The following GREB1L variants were observed in gnomAD, a reference collection of about 807,000 sequenced individuals.
GREB1L encodes the protein GREB1 like retinoic acid receptor coactivator.
In GREB1L, 17 loss-of-function variants were observed where a neutral mutation model predicts 200.8. The ratio of observed to expected loss-of-function variants is 0.08; its 90% CI spans 0.06 to 0.13. GREB1L has a LOEUF of 0.13. Ranked by LOEUF, GREB1L falls within the 10% of genes least tolerant of loss-of-function variation. The pLI is 1.00. For missense variants in GREB1L, 1,657 were observed against 2,367.7 expected, an observed-to-expected ratio of 0.70 and a Z score of 6.23; for synonymous variants, 789 against 893.0, an observed-to-expected ratio of 0.88 and a Z score of 2.08.
At chr18:21,385,072 C>A (rs2040483160) in intron 4 of GREB1L, among the ~76,000 whole-genome samples, 1 of 152,124 alleles carries the variant, frequency 6.6e-6, no homozygotes, top group Non-Finnish European at 1.5e-5. Flanking sequence ...AAATTACACT[C>A]TCTTCCCTCC....
intron 14 of GREB1L, among the ~76,000 whole-genome samples, 174 bp from the exon 15 acceptor site, chr18:21,454,192 A>G (rs1199538454): frequency 2.6e-5 from 4 of 152,208 alleles, no homozygotes; most frequent in Non-Finnish European, 5.9e-5. Flanking sequence ...TCCACGTTTC[A>G]GGGAAAATAG....
intron 1 of GREB1L, among the ~76,000 whole-genome samples, chr18:21,323,155 T>C (rs972248360): frequency 1.3e-5 from 2 of 151,852 alleles, no homozygotes; most frequent in African/African-American, 4.8e-5. Context: ...GATGTGGTGG[T>C]GTGTGCCTGT....
At chr18:21,326,264 G>T (rs536757715) in intron 1 of GREB1L, among the ~76,000 whole-genome samples, 1 of 152,016 alleles carries the variant, frequency 6.6e-6, no homozygotes, top group Non-Finnish European at 1.5e-5. Context: ...CAAAAAAAAA[G>T]TTCATATAGA....
At chr18:21,504,176 G>A (rs1490270464) in intron 23 of GREB1L, among the ~76,000 whole-genome samples, 8 of 152,082 alleles carry the variant, frequency 5.3e-5, no homozygotes, top group South Asian at 4.1e-4. Context: ...TGCCTGCCTC[G>A]GCCTCCCAAA....
intron 1 of GREB1L, among the ~76,000 whole-genome samples, chr18:21,340,620 G>A (rs1466025707): frequency 1.3e-5 from 2 of 151,190 alleles, no homozygotes; most frequent in African/African-American, 4.9e-5. Context: ...TCAGCTCACT[G>A]CAACCTCTGC....
At chr18:21,482,877 T>G (rs999102832) in intron 17 of GREB1L, among the ~76,000 whole-genome samples, 1 of 152,010 alleles carries the variant, frequency 6.6e-6, no homozygotes, top group Non-Finnish European at 1.5e-5. Context: ...CCAGAAATAG[T>G]GATTCAATAA....
intron 1 of GREB1L, among the ~76,000 whole-genome samples, chr18:21,327,251 T>G (rs1555628178): frequency 6.6e-6 from 1 of 152,184 alleles, no homozygotes; most frequent in Non-Finnish European, 1.5e-5. Context: ...CTCACACACA[T>G]ACAAAGGGCA....
At chr18:21,338,792 C>G (rs1176843566) in intron 1 of GREB1L, among the ~76,000 whole-genome samples, 2 of 152,228 alleles carry the variant, frequency 1.3e-5, no homozygotes, top group East Asian at 3.8e-4. Context: ...TTTTACTTCT[C>G]AACAAAGACT....
chr18:21,487,636 C>A (rs187705748), intron 18 of GREB1L, among the ~76,000 whole-genome samples: 95 of 152,288 alleles, frequency 6.2e-4, no homozygotes, highest in Non-Finnish European at 3.1e-4. Flanking sequence ...AGCTTTGTCT[C>A]TGATCAGTTG....
chr18:21,490,417 T>A (rs149381106), intron 19 of GREB1L, 66 bp downstream of exon 19: 22,751 of 1,393,372 alleles, frequency 0.016, 238 homozygotes, highest in Non-Finnish European at 0.019. Flanking sequence ...GAATCCTACA[T>A]AGGTGGCTCA....
At chr18:21,272,672 G>C (rs189735351) in intron 1 of GREB1L, among the ~76,000 whole-genome samples, 3 of 152,108 alleles carry the variant, frequency 2.0e-5, no homozygotes, top group Non-Finnish European at 4.4e-5. Context: ...ATTTACTTCT[G>C]TGCTGGGCTA....
At chr18:21,405,590 C>G (rs1015582387) in intron 7 of GREB1L, among the ~76,000 whole-genome samples, 28 of 152,148 alleles carry the variant, frequency 1.8e-4, no homozygotes, top group African/African-American at 6.3e-4. Flanking sequence ...CACTTGAGGT[C>G]AGGAGTTCGA....
At chr18:21,489,604 G>C (rs898113024) in intron 18 of GREB1L, among the ~76,000 whole-genome samples, 10 of 152,120 alleles carry the variant, frequency 6.6e-5, no homozygotes, top group African/African-American at 2.2e-4. Flanking sequence ...GAATGGAATA[G>C]ACCAGCGTGT....
At chr18:21,333,787 G>A (rs1407069820) in intron 1 of GREB1L, among the ~76,000 whole-genome samples, 1 of 151,816 alleles carries the variant, frequency 6.6e-6, no homozygotes, top group African/African-American at 2.4e-5. Context: ...TTCAAAAGCA[G>A]CCTGGGCCAC....
intron 2 of GREB1L, among the ~76,000 whole-genome samples, chr18:21,371,567 C>A (rs1222694614): frequency 6.6e-6 from 1 of 150,936 alleles, no homozygotes; most frequent in Admixed American, 6.6e-5. Context: ...GTGGGCGGAT[C>A]ATGAGATCAG....
intron 1 of GREB1L, among the ~76,000 whole-genome samples, chr18:21,316,684 A>G (rs1460792648): frequency 6.6e-6 from 1 of 152,030 alleles, no homozygotes; most frequent in African/African-American, 2.4e-5. Flanking sequence ...AGTTGTTTTA[A>G]GTTGTTGAAA....
At chr18:21,330,314 A>G (rs1311918851) in intron 1 of GREB1L, among the ~76,000 whole-genome samples, 6 of 152,232 alleles carry the variant, frequency 3.9e-5, no homozygotes. Flanking sequence ...AGAACTGAGT[A>G]TTCAAGGTCA....
intron 1 of GREB1L, among the ~76,000 whole-genome samples, chr18:21,317,281 A>C (rs1161125088): frequency 6.6e-6 from 1 of 151,988 alleles, no homozygotes; most frequent in Admixed American, 6.6e-5. Context: ...ATGTTAAAAA[A>C]AATTGCAAAC....
chr18:21,323,870 GTAATT>G (rs1353642248), intron 1 of GREB1L, among the ~76,000 whole-genome samples: 1 of 152,150 alleles, frequency 6.6e-6, no homozygotes, highest in Non-Finnish European at 1.5e-5. Context: ...TCTGTGGACA[GTAATT>G]TAGTAACTTC....
Sources: allele counts gnomAD v4.1 joint callset (sites outside exome capture counted in the v4.1 genomes callset), GRCh38; gene constraint gnomAD v4.1.1; transcripts MANE v1.5; gene names NCBI Gene and HGNC (gene_info 2026-07-23, HGNC 2026-07-21).